The following EPS15L1 variants were observed in gnomAD, a reference collection of about 807,000 sequenced individuals.
The protein encoded by EPS15L1 is epidermal growth factor receptor pathway substrate 15 like 1.
A neutral mutation model predicts 117.1 loss-of-function variants in EPS15L1; 43 were observed. The observed-to-expected ratio is 0.37, with a 90% CI of 0.29 to 0.47. The LOEUF (loss-of-function observed/expected upper bound fraction) is 0.47. EPS15L1 is among the 20% of genes least tolerant of loss of function. The probability of loss-of-function intolerance (pLI) is 0.99; values close to 1 mark genes in which losing one functional copy is unlikely to be tolerated. For synonymous variants in EPS15L1, 459 were observed against 470.5 expected (o/e 0.98, Z 0.32); for missense variants, 981 against 1,164.0 (o/e 0.84, Z 2.29).
chr19:16,441,844 G>T, intron 3 of EPS15L1, 48 bp downstream of exon 3: 1 of 1,472,506 alleles, frequency 6.8e-7, no homozygotes, highest in South Asian at 1.2e-5. Context: ...TGCGGGGGGA[G>T]CTGTGAGGGC....
At chr19:16,438,513 A>G (rs2092998133) in intron 4 of EPS15L1, among the ~76,000 whole-genome samples, 1 of 152,138 alleles carries the variant, frequency 6.6e-6, no homozygotes, top group Admixed American at 6.5e-5. Flanking sequence ...TAAGGTTACG[A>G]ATGATGGACC....
Position 16,405,361 on chromosome 19 carries a change from T to C in EPS15L1, c.1267-612A>G, listed in dbSNP as rs778723804. ...GCCAAGGAGACTGCGCTGGGCTCTG[T>C]GGTGGGGAGCCCGGTGGGATGTGTG... On this transcript the variant is annotated intron_variant, in intron 13 of 23. Coordinates refer to ENST00000455140, the MANE Select transcript of EPS15L1 (RefSeq NM_001258374.3). This position sits in a 1 kb window ranked among gnomAD's most constrained non-coding sequence, Gnocchi z 4.0. Among the ~76,000 whole-genome samples, 1 of 152,042 alleles carries C rather than the reference T, an allele frequency of 6.6e-6. No homozygotes were observed. Among genetic ancestry groups the C allele is most frequent in the Non-Finnish European group, 1.5e-5 (1 of 67,990 alleles).
chr19:16,376,813 C>G (rs879776397), intron 22 of EPS15L1, among the ~76,000 whole-genome samples: 2 of 152,246 alleles, frequency 1.3e-5, no homozygotes, highest in Admixed American at 6.5e-5. Flanking sequence ...CTGACATGCT[C>G]AGGCGGAGGC....
At chr19:16,366,184 G>A (rs1481422587) in intron 22 of EPS15L1, among the ~76,000 whole-genome samples, 2 of 152,116 alleles carry the variant, frequency 1.3e-5, no homozygotes, top group African/African-American at 2.4e-5. Context: ...GCAAGTCCAG[G>A]GTGGACACTG....
chr19:16,360,412 A>G (rs757926643), intron 23 of EPS15L1, among the ~76,000 whole-genome samples: 1 of 152,094 alleles, frequency 6.6e-6, no homozygotes, highest in Non-Finnish European at 1.5e-5. Flanking sequence ...CTGCCGTTGT[A>G]AAATATTTAT....
At chr19:16,382,381 A>G (rs1353093875) in intron 21 of EPS15L1, among the ~76,000 whole-genome samples, 1 of 152,196 alleles carries the variant, frequency 6.6e-6, no homozygotes, top group African/African-American at 2.4e-5. Context: ...GTTTCAGTAA[A>G]GCTGTCAGGG....
At chr19:16,439,882 C>T (rs2093013129) in intron 4 of EPS15L1, among the ~76,000 whole-genome samples, 1 of 151,664 alleles carries the variant, frequency 6.6e-6, no homozygotes, top group African/African-American at 2.4e-5. Flanking sequence ...CTGAGTATTC[C>T]TCATCCCAAA....
Position 16,401,937 on chromosome 19 carries a change from C to T in EPS15L1, c.1791+384G>A, listed in dbSNP as rs1048758098. 1.3e-5 allele frequency: 13 copies of T among 1,021,084 alleles called. No homozygotes were observed. In the Middle Eastern group the frequency reaches 1.9e-3, roughly 153 times the overall value. 63.3% of individuals were successfully genotyped at this position (1,021,084 alleles called of 1,614,324 possible). On this transcript the variant is annotated intron_variant, in intron 16 of 23. Coordinates refer to ENST00000455140, the MANE Select transcript of EPS15L1 (RefSeq NM_001258374.3). ...ACATAGACACATGCCCCTCAGATGT[C>T]CCCTGCCCCCTGATTAGTAGAATGT... is the stretch of plus-strand genomic sequence containing the variant.
At chr19:16,427,830 G>C (rs987153280) in intron 8 of EPS15L1, among the ~76,000 whole-genome samples, 5 of 152,102 alleles carry the variant, frequency 3.3e-5, no homozygotes, top group African/African-American at 1.2e-4. Flanking sequence ...GGAGGTGGAG[G>C]CTGCAGTGAA....
Position 16,400,230 on chromosome 19 carries a change from G to A in EPS15L1, c.1791+2091C>T, listed in dbSNP as rs533486701. ...CACGTGCCTGTAATCTCTGCTACTCGGGAGGCTGAGGCAGGAGAATCACTT... is the reference window on the plus strand; with the variant it reads ...CACGTGCCTGTAATCTCTGCTACTCAGGAGGCTGAGGCAGGAGAATCACTT... On this transcript the variant is annotated intron_variant, in intron 16 of 23. Coordinates refer to ENST00000455140, the MANE Select transcript of EPS15L1 (RefSeq NM_001258374.3). 1.8e-3 allele frequency among the ~76,000 whole-genome samples: 281 copies of A among 151,976 alleles called. 1 individual carries two copies. The highest frequency in any genetic ancestry group is 3.1e-3 in the Non-Finnish European group (213 of 67,958).
At chr19:16,419,757 G>C (rs2092796451) in intron 10 of EPS15L1, among the ~76,000 whole-genome samples, 2 of 152,224 alleles carry the variant, frequency 1.3e-5, no homozygotes, top group African/African-American at 4.8e-5. Flanking sequence ...TAAATGCCTA[G>C]TTATCCCCAC....
intron 21 of EPS15L1, among the ~76,000 whole-genome samples, chr19:16,380,703 G>A (rs1169616562): frequency 6.6e-6 from 1 of 152,236 alleles, no homozygotes. Context: ...GTCGTCTGAG[G>A]CTCTGGCATC....
chr19:16,367,914 T>G (rs1179342969), intron 22 of EPS15L1, among the ~76,000 whole-genome samples: 2 of 151,838 alleles, frequency 1.3e-5, no homozygotes, highest in Admixed American at 6.6e-5. Context: ...AAGGTTCAGG[T>G]GAGGTATGGT....
intron 21 of EPS15L1, among the ~76,000 whole-genome samples, chr19:16,378,246 TC>T (rs1164164960): frequency 6.6e-6 from 1 of 152,000 alleles, no homozygotes; most frequent in Non-Finnish European, 1.5e-5. Context: ...CTCCAAGCTC[TC>T]ATTAAGGCAT....
At position 16,405,804 on chromosome 19, in the gene EPS15L1, G is replaced by A. The variant is rs2092650427; in HGVS notation, c.1267-1055C>T. On this transcript the variant is annotated intron_variant, in intron 13 of 23. Coordinates refer to ENST00000455140, the MANE Select transcript of EPS15L1 (RefSeq NM_001258374.3). The surrounding 1 kb of genome is among the most constrained non-coding windows in gnomAD (Gnocchi z 4.0). Reference sequence around the variant, plus strand: ...GGGGATGGGGACACCCAAGAAGAGGGCAGAGGCTTCTCACCTCCTGATTTT... The same window carrying A: ...GGGGATGGGGACACCCAAGAAGAGGACAGAGGCTTCTCACCTCCTGATTTT... Among the ~76,000 whole-genome samples, 1 of 152,246 alleles carries A rather than the reference G, an allele frequency of 6.6e-6. No homozygotes were observed. Among genetic ancestry groups the A allele is most frequent in the Admixed American group, 6.5e-5 (1 of 15,292 alleles).
chr19:16,471,926 G>T lies in EPS15L1; in HGVS notation c.20C>A (p.Pro7His), dbSNP rs990260997. The T allele has an allele frequency of 4.6e-6, 6 of 1,295,822 alleles. No individual in the cohort carries two copies. The highest frequency in any genetic ancestry group is 6.3e-5 in the East Asian group (2 of 31,822). The allele number at this position is 1,295,822 out of a possible 1,614,324, so 80.3% of individuals were successfully genotyped here. The stretch of plus-strand genomic sequence containing the variant: ...CCCGGCCCGTACCTGCTGGGAGAGG[G>T]GGATGAGCGGCGCCGCCATCTTCCC... MAAPLIPLSQQIPTGNS... is the reference protein window; with the variant it reads MAAPLIHLSQQIPTGNS... The change falls in exon 1 of 24, where the codon CCC becomes CAC. Residue 7 changes from proline to histidine, a missense_variant. Physicochemically the swap from Pro to His is moderately conservative, Grantham distance 77. Around this residue, in one of 5 missense-constraint regions of EPS15L1, gnomAD observed 37 missense variants for 21.2 expected, o/e 1.75. Coordinates refer to ENST00000455140, the MANE Select transcript of EPS15L1 (RefSeq NM_001258374.3). This position sits in a 1 kb window ranked among gnomAD's most constrained non-coding sequence, Gnocchi z 4.8.
At chr19:16,428,550 A>C in intron 8 of EPS15L1, 152 bp downstream of exon 8, 1 of 551,996 alleles carries the variant, frequency 1.8e-6, no homozygotes. Flanking sequence ...AAAGACAGAA[A>C]AGAAAGGAAA....
At chr19:16,458,733 C>T (rs900090096) in intron 1 of EPS15L1, among the ~76,000 whole-genome samples, 5 of 152,152 alleles carry the variant, frequency 3.3e-5, no homozygotes, top group Non-Finnish European at 7.4e-5. Context: ...CACACATGTA[C>T]ACTCAGGCTC....
intron 21 of EPS15L1, among the ~76,000 whole-genome samples, chr19:16,377,736 C>T (rs2092313731): frequency 6.6e-6 from 1 of 152,228 alleles, no homozygotes; most frequent in South Asian, 2.1e-4. Flanking sequence ...TGGACAGCTC[C>T]AGGTGCTGGG....
Sources: gnomAD v4.1 joint callset for allele counts (sites outside exome capture counted in the v4.1 genomes callset) on GRCh38, gnomAD v4.1.1 for gene constraint, gnomAD v4.1.1 regional missense constraint, Gnocchi (gnomAD v3.1) non-coding constraint, MANE v1.5 for transcripts, NCBI Gene and HGNC (gene_info 2026-07-23, HGNC 2026-07-21) for gene names.